Variants in KIF9 observed in about 807,000 individuals in gnomAD.
The protein encoded by KIF9 is kinesin-like protein KIF9.
In KIF9, 68 loss-of-function variants were observed where a neutral mutation model predicts 94.8. The observed-to-expected ratio is 0.72, with a 90% CI of 0.59 to 0.88. The LOEUF (loss-of-function observed/expected upper bound fraction) is 0.88. Ranked by LOEUF, KIF9 falls within the 40% of genes least tolerant of loss-of-function variation. The probability of loss-of-function intolerance (pLI) is 0.00; values close to 1 mark genes in which losing one functional copy is unlikely to be tolerated. For synonymous variants in KIF9, 343 were observed against 362.1 expected, an observed-to-expected ratio of 0.95 and a Z score of 0.60; for missense variants, 882 against 982.5, an observed-to-expected ratio of 0.90 and a Z score of 1.37.
intron 2 of KIF9, among the ~76,000 whole-genome samples, chr3:47,276,873 T>C (rs1268884499): frequency 1.3e-5 from 2 of 152,184 alleles, no homozygotes; most frequent in African/African-American, 2.4e-5. Context: ...GATATATCTT[T>C]CCACTTCTCT....
intron 6 of KIF9, 48 bp from the exon 7 acceptor site, chr3:47,267,116 T>C: frequency 1.2e-6 from 2 of 1,605,106 alleles, no homozygotes; most frequent in Non-Finnish European, 1.7e-6. Context: ...GAGAAGTTTC[T>C]GACTGAGCAG....
chr3:47,272,214 T>C (rs1404134245), intron 4 of KIF9, among the ~76,000 whole-genome samples: 2 of 152,120 alleles, frequency 1.3e-5, no homozygotes, highest in African/African-American at 4.8e-5. Flanking sequence ...CAACTCCTAA[T>C]TCCCTCCCCA....
At chr3:47,278,611 T>C (rs1423035411) in intron 1 of KIF9, among the ~76,000 whole-genome samples, 1 of 151,778 alleles carries the variant, frequency 6.6e-6, no homozygotes, top group Non-Finnish European at 1.5e-5. Context: ...GGCAGATCCC[T>C]TGAGGCCAGG....
intron 20 of KIF9, among the ~76,000 whole-genome samples, chr3:47,229,454 C>T (rs1326376254): frequency 6.6e-6 from 1 of 152,126 alleles, no homozygotes; most frequent in Non-Finnish European, 1.5e-5. Flanking sequence ...CATACACACG[C>T]CACTGTCAAG....
intron 10 of KIF9, among the ~76,000 whole-genome samples, chr3:47,256,519 G>T (rs552864073): frequency 2.0e-5 from 3 of 151,406 alleles, no homozygotes; most frequent in East Asian, 3.9e-4. Flanking sequence ...GGAGGGAGGT[G>T]GGGGGGTCGG....
At chr3:47,276,816 C>T (rs531007409) in intron 2 of KIF9, among the ~76,000 whole-genome samples, 1 of 152,230 alleles carries the variant, frequency 6.6e-6, no homozygotes. Flanking sequence ...CACTCTTACA[C>T]TGTCCTAAGC....
chr3:47,241,677 A>G (rs13081938), intron 16 of KIF9, among the ~76,000 whole-genome samples: 2 of 150,212 alleles, frequency 1.3e-5, no homozygotes, highest in Admixed American at 1.3e-4. Flanking sequence ...GTGTGTATAT[A>G]CATATATGCA....
chr3:47,254,837 AAAAG>A (rs1700474125), intron 10 of KIF9, among the ~76,000 whole-genome samples: 1 of 152,164 alleles, frequency 6.6e-6, no homozygotes, highest in Non-Finnish European at 1.5e-5. Flanking sequence ...AAATTTTTAA[AAAAG>A]AAAGAAAAAA....
chr3:47,252,134 G>A (rs547716837), intron 10 of KIF9, among the ~76,000 whole-genome samples: 2 of 152,318 alleles, frequency 1.3e-5, no homozygotes, highest in Admixed American at 1.3e-4. Flanking sequence ...GTCTAGGAAA[G>A]GCAGCAACCA....
intron 16 of KIF9, among the ~76,000 whole-genome samples, chr3:47,242,745 A>G (rs533019658): frequency 3.3e-5 from 5 of 152,328 alleles, no homozygotes; most frequent in Admixed American, 3.3e-4. Flanking sequence ...ATTCTTTCAT[A>G]CTTTAAAATT....
Position 47,245,488 on chromosome 3 carries a change from G to C in KIF9, c.1313C>G (p.Ser438Cys). 6.2e-7 allele frequency: 1 copy of C among 1,613,816 alleles called. No homozygotes were observed. The highest frequency in any genetic ancestry group is 8.5e-7 in the Non-Finnish European group (1 of 1,179,920). Reference sequence around the variant, plus strand: ...GAGGGTGTACTTCCTGCGCAAAGTGGACTCCACTTCCTGTTCCTGTTGGCT... The same window carrying C: ...GAGGGTGTACTTCCTGCGCAAAGTGCACTCCACTTCCTGTTCCTGTTGGCT... ...VLSQQEQEVE[S>C]TLRRKYTLID... is the part of the protein sequence containing the mutation. The change falls in exon 14 of 21, where the codon TCC (serine) becomes TGC (cysteine). Residue 438 changes from serine to cysteine, a missense_variant. Ser to Cys is a moderately radical substitution (Grantham distance 112). Coordinates refer to ENST00000684063, the MANE Select transcript of KIF9 (RefSeq NM_182902.4).
intron 10 of KIF9, chr3:47,250,624 G>C: frequency 2.3e-6 from 1 of 436,976 alleles, no homozygotes; most frequent in Non-Finnish European, 4.8e-6. Context: ...ACTACAAAAG[G>C]ATCATAAATG....
intron 10 of KIF9, among the ~76,000 whole-genome samples, chr3:47,248,528 C>A (rs1374667673): frequency 6.6e-6 from 1 of 151,958 alleles, no homozygotes; most frequent in Admixed American, 6.6e-5. Context: ...CTGCAACCTC[C>A]GCCTCCCGGG....
chr3:47,273,304 C>A (rs574289416), intron 4 of KIF9, among the ~76,000 whole-genome samples: 1 of 152,322 alleles, frequency 6.6e-6, no homozygotes, highest in East Asian at 1.9e-4. Context: ...TGACTCCCTC[C>A]TTCCCAAATG....
At chr3:47,281,373 G>A (rs1276238726) in intron 1 of KIF9, among the ~76,000 whole-genome samples, 4 of 151,758 alleles carry the variant, frequency 2.6e-5, no homozygotes, top group Admixed American at 6.6e-5. Context: ...TTTGTGACAG[G>A]GTCTCACTCT....
intron 10 of KIF9, among the ~76,000 whole-genome samples, chr3:47,256,849 C>G (rs964233750): frequency 6.6e-6 from 1 of 152,202 alleles, no homozygotes; most frequent in Admixed American, 6.5e-5. Context: ...TTGCCCCCAA[C>G]CCTGTGCTCT....
At position 47,247,494 on chromosome 3, in the gene KIF9, G is replaced by C. The variant is rs1426824556; in HGVS notation, c.1129-17C>G. On this transcript the variant is annotated splice_polypyrimidine_tract_variant and intron_variant, in intron 11 of 20. Transcript: ENST00000684063. The stretch of plus-strand genomic sequence containing the variant: ...GCGGTTGGTCTTGAAGGAGGATGAA[G>C]AACATGTGGATAAGCAACAAGAACC... 2.5e-6 allele frequency: 4 copies of C among 1,578,968 alleles called. No homozygotes were observed. The highest frequency in any genetic ancestry group is 2.2e-5 in the East Asian group (1 of 44,606).
At chr3:47,274,846 C>T (rs1279352914) in intron 3 of KIF9, among the ~76,000 whole-genome samples, 1 of 152,214 alleles carries the variant, frequency 6.6e-6, no homozygotes, top group Non-Finnish European at 1.5e-5. Flanking sequence ...CCTAAACTTG[C>T]AAAACAGGGA....
chr3:47,273,686 T>C, intron 3 of KIF9, 28 bp from the exon 4 acceptor site: 1 of 1,580,424 alleles, frequency 6.3e-7, no homozygotes, highest in East Asian at 2.2e-5. Context: ...CACGGTGACA[T>C]CCAGGAAAAT....
Sources: gnomAD v4.1 joint callset for allele counts (sites outside exome capture counted in the v4.1 genomes callset) on GRCh38, gnomAD v4.1.1 for gene constraint, MANE v1.5 for transcripts, NCBI Gene and HGNC (gene_info 2026-07-23, HGNC 2026-07-21) for gene names.